LHFPL2: variants seen among roughly 807,000 people sequenced by gnomAD.
The protein encoded by LHFPL2 is LHFPL tetraspan subfamily member 2.
LHFPL2 carries 7 observed loss-of-function variants against 17.5 expected under a neutral mutation model. The observed-to-expected ratio is 0.40, with a 90% CI of 0.23 to 0.75. The LOEUF (loss-of-function observed/expected upper bound fraction) is 0.75. Among genes scored for constraint, LHFPL2 ranks in the 30% least tolerant of loss-of-function variants. The pLI is 0.37. For synonymous variants in LHFPL2, 134 were observed against 116.2 expected (o/e 1.15, Z -0.99); for missense variants, 241 against 294.8 (o/e 0.82, Z 1.34).
intron 3 of LHFPL2, among the ~76,000 whole-genome samples, chr5:78,560,350 T>A (rs1373870086): frequency 6.6e-6 from 1 of 152,252 alleles, no homozygotes; most frequent in African/African-American, 2.4e-5. Flanking sequence ...ATCATGCCCT[T>A]GGCAATATAT....
At chr5:78,491,037 T>G (rs1239972471) in intron 4 of LHFPL2, 2 of 152,200 alleles carry the variant, frequency 1.3e-5, no homozygotes, top group African/African-American at 2.4e-5. Context: ...TTTATGGCAG[T>G]ATGAGGCGTG....
intron 2 of LHFPL2, among the ~76,000 whole-genome samples, chr5:78,615,929 G>A (rs1462700971): frequency 1.3e-5 from 2 of 152,086 alleles, no homozygotes; most frequent in African/African-American, 4.8e-5. Context: ...CAGAAGAGAG[G>A]TTACCTTTGC....
At chr5:78,519,588 T>C (rs1755388163) in intron 3 of LHFPL2, among the ~76,000 whole-genome samples, 1 of 152,174 alleles carries the variant, frequency 6.6e-6, no homozygotes, top group Non-Finnish European at 1.5e-5. Flanking sequence ...TTAGGTGAAA[T>C]TGGGCCCGTG....
intron 3 of LHFPL2, among the ~76,000 whole-genome samples, chr5:78,531,416 T>A (rs1755780675): frequency 1.3e-5 from 1 of 74,124 alleles, no homozygotes; most frequent in African/African-American, 4.5e-5. Flanking sequence ...CAAAACTCCA[T>A]CTCAAAAAAA....
intron 1 of LHFPL2, among the ~76,000 whole-genome samples, chr5:78,636,066 T>G (rs952742041): frequency 6.6e-6 from 1 of 152,074 alleles, no homozygotes; most frequent in Non-Finnish European, 1.5e-5. Flanking sequence ...TTCTGCCTAG[T>G]GCCCTCCCAG....
intron 2 of LHFPL2, chr5:78,625,637 C>G (rs1449453260): frequency 6.6e-6 from 1 of 152,222 alleles, no homozygotes; most frequent in Non-Finnish European, 1.5e-5. Context: ...GGCAACACTT[C>G]TACAGACTTT....
In LHFPL2 at chr5:78,485,577, T is replaced by C. The variant is rs573693299; in HGVS notation, c.*3320A>G. The stretch of plus-strand genomic sequence containing the variant: ...CCCAATACAAATGCCGGCCCAGGGA[T>C]TTCCAGTGGCCACAAGTTATTGCAC... On this transcript the variant is annotated 3_prime_UTR_variant, in exon 5 of 5. Coordinates refer to ENST00000380345, the MANE Select transcript of LHFPL2 (RefSeq NM_005779.3). 20 of 152,718 alleles carry C rather than the reference T, an allele frequency of 1.3e-4. No individual in the cohort carries two copies. Among genetic ancestry groups the C allele is most frequent in the Admixed American group, 9.8e-4 (15 of 15,290 alleles). 9.5% of individuals were successfully genotyped at this position (152,718 alleles called of 1,614,324 possible).
chr5:78,561,570 T>A (rs1756727418), intron 3 of LHFPL2, among the ~76,000 whole-genome samples: 1 of 152,220 alleles, frequency 6.6e-6, no homozygotes, highest in East Asian at 1.9e-4. Flanking sequence ...CAAACTTGCA[T>A]AACATGATAA....
chr5:78,607,229 C>G (rs769310422), intron 2 of LHFPL2, among the ~76,000 whole-genome samples: 3 of 152,080 alleles, frequency 2.0e-5, no homozygotes, highest in Non-Finnish European at 4.4e-5. Context: ...TCTCCTGCCT[C>G]AGCCTCCCAA....
intron 3 of LHFPL2, among the ~76,000 whole-genome samples, chr5:78,517,955 C>T (rs1755339349): frequency 6.6e-6 from 1 of 152,206 alleles, no homozygotes; most frequent in African/African-American, 2.4e-5. Flanking sequence ...GCAAGTCTTT[C>T]TTTGTGTGTC....
At chr5:78,522,937 G>A (rs189987544) in intron 3 of LHFPL2, among the ~76,000 whole-genome samples, 1 of 152,138 alleles carries the variant, frequency 6.6e-6, no homozygotes, top group Non-Finnish European at 1.5e-5. Flanking sequence ...TGTAGCTGAG[G>A]GGGGAGAAAA....
intron 2 of LHFPL2, among the ~76,000 whole-genome samples, chr5:78,607,042 G>GACA (rs1391423190): frequency 6.6e-6 from 1 of 152,104 alleles, no homozygotes; most frequent in Non-Finnish European, 1.5e-5. Context: ...GGTGTAACAA[G>GACA]ACAACATCCC....
intron 2 of LHFPL2, among the ~76,000 whole-genome samples, chr5:78,572,855 C>T (rs755772821): frequency 2.0e-5 from 3 of 152,088 alleles, no homozygotes; most frequent in Non-Finnish European, 2.9e-5. Context: ...GAGATGGTTT[C>T]GGGATGAAAC....
chr5:78,527,855 T>C (rs911874361), intron 3 of LHFPL2, among the ~76,000 whole-genome samples: 2 of 152,198 alleles, frequency 1.3e-5, no homozygotes, highest in East Asian at 3.8e-4. Flanking sequence ...CTGAACTGCC[T>C]GGATAAGAAC....
chr5:78,496,064 C>CG (rs1034822338), intron 4 of LHFPL2, among the ~76,000 whole-genome samples: 8 of 152,176 alleles, frequency 5.3e-5, no homozygotes, highest in African/African-American at 1.9e-4. Flanking sequence ...GGGTTATTCT[C>CG]GTTGTGTTCC....
intron 2 of LHFPL2, among the ~76,000 whole-genome samples, chr5:78,604,261 T>C (rs1744131639): frequency 6.6e-6 from 1 of 152,158 alleles, no homozygotes; most frequent in African/African-American, 2.4e-5. Context: ...GCGGATCACC[T>C]GAGGTCAGAA....
chr5:78,587,386 C>A (rs892886839), intron 2 of LHFPL2, among the ~76,000 whole-genome samples: 15 of 152,148 alleles, frequency 9.9e-5, no homozygotes, highest in African/African-American at 3.6e-4. Context: ...GGTCTGCAGG[C>A]CACGAAGAAA....
At chr5:78,586,665 C>T (rs756070949) in intron 2 of LHFPL2, among the ~76,000 whole-genome samples, 6 of 152,142 alleles carry the variant, frequency 3.9e-5, no homozygotes, top group Non-Finnish European at 8.8e-5. Flanking sequence ...TCCACCCACT[C>T]AGGTAGGAGA....
intron 4 of LHFPL2, among the ~76,000 whole-genome samples, chr5:78,498,552 G>A (rs937840855): frequency 4.6e-5 from 7 of 152,174 alleles, no homozygotes; most frequent in Non-Finnish European, 1.0e-4. Context: ...CAAACTGTCA[G>A]ACAGTCTGAA....
Sources: allele counts gnomAD v4.1 joint callset (sites outside exome capture counted in the v4.1 genomes callset), GRCh38; gene constraint gnomAD v4.1.1; transcripts MANE v1.5; gene names NCBI Gene and HGNC (gene_info 2026-07-23, HGNC 2026-07-21).